ASPH: variants seen among roughly 807,000 people sequenced by gnomAD.
ASPH encodes the protein aspartyl/asparaginyl beta-hydroxylase.
Under a neutral mutation model 118.4 loss-of-function variants are expected in ASPH, and 100 were observed. The observed-to-expected ratio is 0.84, with a 90% CI of 0.72 to 1.00. The LOEUF (loss-of-function observed/expected upper bound fraction) is 1.00, where lower values mean the gene tolerates loss of function less well. Among genes scored for constraint, ASPH ranks in the 50% least tolerant of loss-of-function variants. The probability of loss-of-function intolerance (pLI) is 0.00; values close to 1 mark genes in which losing one functional copy is unlikely to be tolerated. For synonymous variants in ASPH, 315 were observed against 325.6 expected (o/e 0.97, Z 0.35); for missense variants, 920 against 919.5 (o/e 1.00, Z -0.01).
At chr8:61,528,756 G>T (rs1325014264) in intron 21 of ASPH, among the ~76,000 whole-genome samples, 1 of 152,182 alleles carries the variant, frequency 6.6e-6, no homozygotes, top group African/African-American at 2.4e-5. Flanking sequence ...CCCCTGGGAA[G>T]TGTTGCCAAG....
intron 21 of ASPH, among the ~76,000 whole-genome samples, chr8:61,537,589 G>A (rs1223074959): frequency 6.6e-6 from 1 of 151,964 alleles, no homozygotes; most frequent in African/African-American, 2.4e-5. Flanking sequence ...TGTTGCCCAG[G>A]CTGGTTCTTA....
At chr8:61,680,764 C>T (rs1827648338) in intron 3 of ASPH, 2 of 412,932 alleles carry the variant, frequency 4.8e-6, no homozygotes, top group East Asian at 3.9e-5. Flanking sequence ...AAGAGATATA[C>T]ACTTATTCAT....
intron 14 of ASPH, among the ~76,000 whole-genome samples, chr8:61,611,256 T>A (rs1024603070): frequency 3.3e-5 from 5 of 152,252 alleles, no homozygotes; most frequent in African/African-American, 1.2e-4. Flanking sequence ...AGTTTTTTGC[T>A]ATATGGACAC....
intron 3 of ASPH, among the ~76,000 whole-genome samples, chr8:61,673,459 A>G (rs1341269059): frequency 6.6e-6 from 1 of 152,242 alleles, no homozygotes; most frequent in Non-Finnish European, 1.5e-5. Flanking sequence ...CATCCGAATA[A>G]GCCAGAACAG....
intron 14 of ASPH, among the ~76,000 whole-genome samples, chr8:61,618,645 T>C (rs1045860200): frequency 1.3e-5 from 2 of 152,236 alleles, no homozygotes; most frequent in African/African-American, 4.8e-5. Context: ...ATTACTATCA[T>C]GGAAACACAG....
At chr8:61,661,751 T>A (rs778888398) in intron 3 of ASPH, 8 of 353,280 alleles carry the variant, frequency 2.3e-5, no homozygotes, top group Non-Finnish European at 4.1e-5. Context: ...AGTTACAAAC[T>A]TGCATAGCTA....
At chr8:61,683,361 G>A (rs932266212) in intron 2 of ASPH, among the ~76,000 whole-genome samples, 5 of 152,002 alleles carry the variant, frequency 3.3e-5, no homozygotes, top group Admixed American at 6.6e-5. Context: ...AAGTGAAGGA[G>A]AATGTGACTC....
intron 15 of ASPH, chr8:61,579,599 C>T (rs775874197): frequency 1.5e-4 from 222 of 1,523,614 alleles, no homozygotes; most frequent in South Asian, 8.0e-4. Context: ...CCTCCAGGGC[C>T]GTGGTTGTGA....
chr8:61,509,793 T>C (rs565840065), intron 24 of ASPH, among the ~76,000 whole-genome samples: 3 of 152,156 alleles, frequency 2.0e-5, no homozygotes, highest in Admixed American at 6.5e-5. Flanking sequence ...AAAGGAGAGA[T>C]GTGAGTAGGG....
At chr8:61,695,678 C>T (rs1833762816) in intron 1 of ASPH, among the ~76,000 whole-genome samples, 1 of 152,194 alleles carries the variant, frequency 6.6e-6, no homozygotes, top group Admixed American at 6.5e-5. Flanking sequence ...AATCTCTTTC[C>T]ACCTCCAGAA....
chr8:61,583,876 T>TTTA, intron 15 of ASPH, 68 bp downstream of exon 15: 2 of 1,152,260 alleles, frequency 1.7e-6, no homozygotes. Context: ...TTTTTTTTTT[T>TTTA]AACAAATCAA....
At chr8:61,646,206 C>T (rs1386094718) in intron 6 of ASPH, among the ~76,000 whole-genome samples, 2 of 152,158 alleles carry the variant, frequency 1.3e-5, no homozygotes, top group Non-Finnish European at 2.9e-5. Flanking sequence ...AACACAGCTA[C>T]ACTGACCCAC....
chr8:61,569,110 C>A (rs1029928682), intron 16 of ASPH, among the ~76,000 whole-genome samples: 1 of 152,124 alleles, frequency 6.6e-6, no homozygotes, highest in Non-Finnish European at 1.5e-5. Context: ...AACATACAGG[C>A]ACAGGTAGAG....
chr8:61,686,052 C>T (rs1465798413), intron 1 of ASPH, among the ~76,000 whole-genome samples: 7 of 152,096 alleles, frequency 4.6e-5, no homozygotes, highest in Admixed American at 4.6e-4. Context: ...ATTCTTAAAA[C>T]GTCAAGTAAT....
chr8:61,548,937 C>T (rs1034197118), intron 20 of ASPH, among the ~76,000 whole-genome samples: 1 of 152,148 alleles, frequency 6.6e-6, no homozygotes, highest in African/African-American at 2.4e-5. Context: ...CGGAGCATGA[C>T]GCTCTTTATG....
chr8:61,622,744 C>T (rs1317929867), intron 13 of ASPH, among the ~76,000 whole-genome samples: 1 of 152,198 alleles, frequency 6.6e-6, no homozygotes, highest in Non-Finnish European at 1.5e-5. Context: ...TGTGTCACCT[C>T]GGGCCAGCAG....
At chr8:61,703,967 G>T (rs147049480) in intron 1 of ASPH, among the ~76,000 whole-genome samples, 1 of 151,770 alleles carries the variant, frequency 6.6e-6, no homozygotes, top group African/African-American at 2.4e-5. Context: ...AGGCCGAGGC[G>T]GGCGGATCAC....
chr8:61,665,574 CCTTCTTGAGCT>C, intron 3 of ASPH: 1 of 1,590,408 alleles, frequency 6.3e-7, no homozygotes, highest in Non-Finnish European at 8.5e-7. Flanking sequence ...TTCTCTTTCT[CCTTCTTGAGCT>C]CTTCTTTAGT....
chr8:61,674,838 G>A (rs1051847216), intron 3 of ASPH, among the ~76,000 whole-genome samples: 6 of 152,144 alleles, frequency 3.9e-5, no homozygotes, highest in Admixed American at 2.0e-4. Flanking sequence ...TAAATAAAAC[G>A]TGAGGAAGTG....
Sources: allele counts gnomAD v4.1 joint callset (sites outside exome capture counted in the v4.1 genomes callset), GRCh38; gene constraint gnomAD v4.1.1; transcripts MANE v1.5; gene names NCBI Gene and HGNC (gene_info 2026-07-23, HGNC 2026-07-21).